CCN3: variants seen among roughly 807,000 people sequenced by gnomAD.
The protein encoded by CCN3 is CCN family member 3.
CCN3 carries 20 observed loss-of-function variants against 33.4 expected under a neutral mutation model. That is an observed-to-expected ratio of 0.60 (90% CI 0.42 to 0.87). The LOEUF (loss-of-function observed/expected upper bound fraction) is 0.87. Ranked by LOEUF, CCN3 falls within the 40% of genes least tolerant of loss-of-function variation. CCN3 has a pLI of 0.00. For missense variants in CCN3, 465 were observed against 455.3 expected (o/e 1.02, Z -0.19); for synonymous variants, 205 against 170.4 (o/e 1.20, Z -1.58).
Position 119,423,017 on chromosome 8 carries a change from T to C in CCN3, c.959T>C (p.Ile320Thr), listed in dbSNP as rs1373279436. The change falls in exon 5 of 5, where the codon ATA becomes ACA. Residue 320 changes from isoleucine to threonine, a missense_variant. Coordinates refer to ENST00000259526, the MANE Select transcript of CCN3 (RefSeq NM_002514.4). ...QAEFQCSPGQ[I>T]VKKPVMVIGT... is the part of the protein sequence containing the mutation. ...GAGTTTCAGTGCTCCCCAGGGCAAA[T>C]AGTCAAGAAGCCAGTGATGGTCATT... 3.1e-6 allele frequency: 5 copies of C among 1,613,904 alleles called. No individual in the cohort carries two copies. The highest frequency in any genetic ancestry group is 3.3e-5 in the Admixed American group (2 of 59,984).
intron 2 of CCN3, chr8:119,417,197 A>G (rs955143713): frequency 7.7e-6 from 4 of 521,980 alleles, no homozygotes; most frequent in Middle Eastern, 4.9e-4. Context: ...GGTGAAAGGC[A>G]TTCCTCACTT....
rs1820156836 is a variant in CCN3 at position 119,423,540 on chromosome 8, T to C, written c.*408T>C. On this transcript the variant is annotated 3_prime_UTR_variant, in exon 5 of 5. Transcript: ENST00000259526. Reference sequence around the variant, plus strand: ...GTCTAGAATCATACTTAACATTTCATTGTACAAGTATTACAACCATATATT... The same window carrying C: ...GTCTAGAATCATACTTAACATTTCACTGTACAAGTATTACAACCATATATT... 6.2e-6 allele frequency: 1 copy of C among 161,782 alleles called. No homozygotes were observed. Among genetic ancestry groups the C allele is most frequent in the African/African-American group, 2.4e-5 (1 of 41,676 alleles). 10.0% of individuals were successfully genotyped at this position (161,782 alleles called of 1,614,324 possible).
At chr8:119,421,011 C>CTTTTTTTTTTTTTTTTTTTTTT in intron 4 of CCN3, among the ~76,000 whole-genome samples, 1 of 75,014 alleles carries the variant, frequency 1.3e-5, no homozygotes, top group Non-Finnish European at 2.4e-5. Flanking sequence ...GACAGTGGTT[C>CTTTTTTTTTTTTTTTTTTTTTT]TTTTTTTTTT....
intron 4 of CCN3, among the ~76,000 whole-genome samples, chr8:119,421,095 C>T (rs1820117793): frequency 6.7e-6 from 1 of 148,218 alleles, no homozygotes; most frequent in East Asian, 2.0e-4. Flanking sequence ...CTTGGCTCAC[C>T]GCAAGCTCCG....
chr8:119,418,417 T>C, intron 3 of CCN3, 108 bp downstream of exon 3: 2 of 1,428,766 alleles, frequency 1.4e-6, no homozygotes, highest in Non-Finnish European at 1.9e-6. Flanking sequence ...CAGTTTCTGG[T>C]CATTCAGTTG....
chr8:119,418,203 G>C lies in CCN3; in HGVS notation c.456G>C (p.Glu152Asp). The C allele has an allele frequency of 6.2e-7, 1 of 1,614,192 alleles. No individual in the cohort carries two copies. The highest frequency in any genetic ancestry group is 8.5e-7 in the Non-Finnish European group (1 of 1,180,038). The change falls in exon 3 of 5, where the codon GAG becomes GAC. Residue 152 changes from glutamate to aspartate, a missense_variant. Coordinates refer to ENST00000259526, the MANE Select transcript of CCN3 (RefSeq NM_002514.4). The part of the protein sequence containing the change: ...PRCQLDVLLP[E>D]PNCPAPRKVE... ...GTCAGCTGGATGTGCTACTGCCTGA[G>C]CCTAACTGCCCAGCTCCAAGAAAAG...
Position 119,416,471 on chromosome 8 carries a change from G to A in CCN3, c.-62G>A. ...AAGCACCGGACCAGGGGGAAGGCGA[G>A]CAGTGCCAATCTACAGCGAAGAAAG... On this transcript the variant is annotated 5_prime_UTR_variant, in exon 1 of 5. Transcript: ENST00000259526. 1 of 1,495,878 alleles carries A rather than the reference G, an allele frequency of 6.7e-7. No homozygotes were observed. Among genetic ancestry groups the A allele is most frequent in the Non-Finnish European group, 9.3e-7 (1 of 1,079,974 alleles). The allele number at this position is 1,495,878 out of a possible 1,614,324, so 92.7% of individuals were successfully genotyped here.
chr8:119,418,675 A>T (rs753657368), intron 3 of CCN3, among the ~76,000 whole-genome samples: 1 of 152,166 alleles, frequency 6.6e-6, no homozygotes, highest in Non-Finnish European at 1.5e-5. Context: ...GATTCTGTAC[A>T]CTACCTAGGC....
rs1318544596 is a variant in CCN3, at chr8:119,424,288, A to C, written c.*1156A>C. The C allele has an allele frequency of 6.6e-6, 1 of 152,180 alleles. No individual in the cohort carries two copies. The highest frequency in any genetic ancestry group is 1.9e-4 in the East Asian group (1 of 5,202). 9.4% of individuals were successfully genotyped at this position (152,180 alleles called of 1,614,324 possible). On this transcript the variant is annotated 3_prime_UTR_variant, in exon 5 of 5. Transcript: ENST00000259526. ...GTATTTATAAAAATATAAATTGTAC[A>C]TTTTGTAAAATATTATGTTTGATTT...
rs1187706251 is a variant in CCN3, at chr8:119,424,424, T to C, written c.*1292T>C. 3 of 152,220 alleles carry C rather than the reference T, an allele frequency of 2.0e-5. No homozygotes were observed. The highest frequency in any genetic ancestry group is 4.4e-5 in the Non-Finnish European group (3 of 68,050). The allele number at this position is 152,220 out of a possible 1,614,324, so 9.4% of individuals were successfully genotyped here. ...GTTTACTGAAAATAAAATTAAAATTTATGAATTAAATGAGACATCAATCAA... is the reference window on the plus strand; with the variant it reads ...GTTTACTGAAAATAAAATTAAAATTCATGAATTAAATGAGACATCAATCAA... On this transcript the variant is annotated 3_prime_UTR_variant, in exon 5 of 5. Coordinates refer to ENST00000259526, the MANE Select transcript of CCN3 (RefSeq NM_002514.4).
At chr8:119,420,873 A>G (rs1217504376) in intron 4 of CCN3, among the ~76,000 whole-genome samples, 1 of 152,132 alleles carries the variant, frequency 6.6e-6, no homozygotes. Flanking sequence ...TTTTCTTGTA[A>G]CTTGAATCTT....
chr8:119,420,710 C>T (rs1191507267), intron 4 of CCN3, among the ~76,000 whole-genome samples: 1 of 152,074 alleles, frequency 6.6e-6, no homozygotes, highest in Non-Finnish European at 1.5e-5. Context: ...TGGGTGTTGA[C>T]AAGAATACAC....
chr8:119,420,426 T>C (rs1239528783), intron 4 of CCN3, among the ~76,000 whole-genome samples: 1 of 152,222 alleles, frequency 6.6e-6, no homozygotes, highest in African/African-American at 2.4e-5. Context: ...TATTTACTGG[T>C]AAAATAAGAG....
Position 119,423,336 on chromosome 8 carries a change from CT to C in CCN3, c.*205del. The C allele has an allele frequency of 3.8e-6, 2 of 527,680 alleles. No homozygotes were observed. The highest frequency in any genetic ancestry group is 6.6e-6 in the Non-Finnish European group (2 of 301,408). The allele number at this position is 527,680 out of a possible 1,614,324, so 32.7% of individuals were successfully genotyped here. On this transcript the variant is annotated 3_prime_UTR_variant, in exon 5 of 5. Transcript: ENST00000259526. ...ACTGTAAACTTGGAATCAAGGTAAG[CT>C]CAGGATATGGCTTAGGAATGACTTA...
chr8:119,422,696 A>C (rs1820140735), intron 4 of CCN3, 140 bp from the exon 5 acceptor site: 4 of 742,950 alleles, frequency 5.4e-6, no homozygotes, highest in Non-Finnish European at 8.9e-6. Context: ...TACATTGCTC[A>C]AGCAAAATTA....
chr8:119,416,703 G>A, intron 1 of CCN3, 41 bp from the exon 2 acceptor site: 1 of 1,577,692 alleles, frequency 6.3e-7, no homozygotes, highest in Non-Finnish European at 8.6e-7. Context: ...TGCGTCTTCT[G>A]TCCCAGCTGA....
chr8:119,417,455 C>T (rs906564783), intron 2 of CCN3, among the ~76,000 whole-genome samples: 4 of 152,204 alleles, frequency 2.6e-5, no homozygotes, highest in Admixed American at 6.5e-5. Flanking sequence ...CCTTTTCTGG[C>T]TGCAAGTAAA....
In CCN3 at chr8:119,418,222, A is replaced by G; in HGVS notation, c.475A>G (p.Arg159Gly). The G allele has an allele frequency of 6.2e-7, 1 of 1,614,222 alleles. No homozygotes were observed. The highest frequency in any genetic ancestry group is 8.5e-7 in the Non-Finnish European group (1 of 1,180,034). The part of the protein sequence containing the change: ...LLPEPNCPAP[R>G]KVEVPGECCE... ...GCCTGAGCCTAACTGCCCAGCTCCA[A>G]GAAAAGTTGAGGTGCCTGGAGAGTG... Residue 159 changes from arginine to glycine, a missense_variant, in exon 3 of 5, where the codon AGA becomes GGA. Physicochemically the swap from Arg to Gly is moderately radical, Grantham distance 125. Coordinates refer to ENST00000259526, the MANE Select transcript of CCN3 (RefSeq NM_002514.4).
chr8:119,422,477 C>A (rs1354152783), intron 4 of CCN3, among the ~76,000 whole-genome samples: 1 of 152,214 alleles, frequency 6.6e-6, no homozygotes, highest in African/African-American at 2.4e-5. Context: ...CTTTCACCTG[C>A]ATGCTCATCT....
Sources: gnomAD v4.1 joint callset for allele counts (sites outside exome capture counted in the v4.1 genomes callset) on GRCh38, gnomAD v4.1.1 for gene constraint, MANE v1.5 for transcripts, NCBI Gene and HGNC (gene_info 2026-07-23, HGNC 2026-07-21) for gene names.